NDP: variants seen among roughly 807,000 people sequenced by gnomAD.
NDP encodes the protein norrin cystine knot growth factor NDP, also known as norrin.
NDP carries 2 observed loss-of-function variants against 8.4 expected under a neutral mutation model. The ratio of observed to expected loss-of-function variants is 0.24; its 90% CI spans 0.10 to 0.75. NDP has a LOEUF of 0.75. Ranked by LOEUF, NDP falls within the 30% of genes least tolerant of loss-of-function variation. The pLI is 0.73. For synonymous variants in NDP, 55 were observed against 45.6 expected (o/e 1.21, Z -0.83); for missense variants, 81 against 110.1 (o/e 0.74, Z 1.18).
rs1270812352 is a variant in NDP at position 43,958,539 on chromosome X, G to A, written c.107C>T (p.Pro36Leu). The A allele has an allele frequency of 8.3e-7, 1 of 1,210,297 alleles. No individual in the cohort carries two copies. The highest frequency in any genetic ancestry group is 1.7e-5 in the African/African-American group (1 of 57,389). The change falls in exon 2 of 3, where the codon CCT becomes CTT. Residue 36 changes from proline to leucine, a missense_variant. By Grantham distance (98) the Pro-to-Leu change is moderately conservative (BLOSUM62 -3). Transcript: ENST00000642620. ...ATAGTGGTGCCTCATGCAGCGTCGA[G>A]GGTCCGAGTCCATTATGAATGAGCT... ...TDSSFIMDSDPRRCMRHHYVD... is the reference protein window; with the variant it reads ...TDSSFIMDSDLRRCMRHHYVD...
At chrX:43,968,280 G>A (rs957362160) in intron 1 of NDP, among the ~76,000 whole-genome samples, 1 of 112,204 alleles carries the variant, frequency 8.9e-6, no homozygotes, top group African/African-American at 3.2e-5. Flanking sequence ...CTCTGATGAA[G>A]GGGACAGTGC....
intron 2 of NDP, chrX:43,953,402 G>A (rs770040802): frequency 1.8e-5 from 2 of 111,968 alleles, no homozygotes; most frequent in South Asian, 7.5e-4. Context: ...CTTGTTAAAA[G>A]GCAAGTTCTG....
intron 2 of NDP, chrX:43,954,684 A>G (rs1443369065): frequency 9.0e-6 from 1 of 111,270 alleles, no homozygotes; most frequent in Non-Finnish European, 1.9e-5. Flanking sequence ...GGGTAGCAGT[A>G]GAAGATGGCT....
At chrX:43,954,723 C>T in intron 2 of NDP, among the ~76,000 whole-genome samples, 1 of 111,132 alleles carries the variant, frequency 9.0e-6, no homozygotes, top group East Asian at 2.9e-4. Flanking sequence ...GCTGTTAGGA[C>T]TCAGCCCTTA....
chrX:43,950,183 G>A, intron 2 of NDP, 157 bp from the exon 3 acceptor site: 1 of 490,795 alleles, frequency 2.0e-6, no homozygotes, highest in Non-Finnish European at 3.6e-6. Context: ...TCAACACCCA[G>A]GCCTCATTCA....
chrX:43,965,640 C>G (rs1055997469), intron 1 of NDP, among the ~76,000 whole-genome samples: 2 of 111,191 alleles, frequency 1.8e-5, no homozygotes, highest in African/African-American at 3.3e-5. Flanking sequence ...AGGCTGAGTT[C>G]CACCCTCTTG....
chrX:43,950,217 G>A, intron 2 of NDP, 191 bp from the exon 3 acceptor site: 2 of 457,184 alleles, frequency 4.4e-6, no homozygotes, highest in Non-Finnish European at 7.7e-6. Flanking sequence ...AAAATCCTTG[G>A]AGATAGGGAC....
chrX:43,949,761 C>T lies in NDP; in HGVS notation c.*38G>A. The T allele has an allele frequency of 2.6e-6, 3 of 1,136,821 alleles. No individual in the cohort carries two copies. The highest frequency in any genetic ancestry group is 3.6e-6 in the Non-Finnish European group (3 of 844,649). 93.7% of individuals were successfully genotyped at this position (1,136,821 alleles called of 1,213,427 possible). A position where few individuals can be genotyped will look rare whatever the true frequency, so the allele number is the denominator to read the frequency against. On this transcript the variant is annotated 3_prime_UTR_variant, in exon 3 of 3. Transcript: ENST00000642620. ...TCCCTGGCTGGTCGAACTGCCTCTA[C>T]AGTTGTCCCATCCAGAAGCCACACA...
At position 43,967,320 on chromosome X, in the gene NDP, C is replaced by A. The variant is rs915810162; in HGVS notation, c.-208+5984G>T. Among the ~76,000 whole-genome samples, 3 of 111,597 alleles carry A rather than the reference C, an allele frequency of 2.7e-5. 1 individual carries two copies. In the Admixed American group the frequency reaches 2.9e-4, roughly 11 times the overall value. ...AATGCAATGAGCCCTAAAATATCCT[C>A]TCAAGTTTTAAAGAAAAATTGGACT... On this transcript the variant is annotated intron_variant, in intron 1 of 2. Coordinates refer to ENST00000642620, the MANE Select transcript of NDP (RefSeq NM_000266.4).
At chrX:43,950,319 G>T (rs982224059) in intron 2 of NDP, among the ~76,000 whole-genome samples, 1 of 110,411 alleles carries the variant, frequency 9.1e-6, no homozygotes, top group African/African-American at 3.3e-5. Flanking sequence ...TGTGATGTGC[G>T]AGTAAAAACC....
chrX:43,959,123 G>A (rs887341568), intron 1 of NDP, among the ~76,000 whole-genome samples: 1 of 111,776 alleles, frequency 8.9e-6, no homozygotes, highest in Admixed American at 9.5e-5. Context: ...GCCAAGAATA[G>A]TTTGAACCCA....
chrX:43,955,327 T>A (rs2035786581), intron 2 of NDP, among the ~76,000 whole-genome samples: 1 of 112,167 alleles, frequency 8.9e-6, no homozygotes, highest in African/African-American at 3.2e-5. Context: ...CTGGATGCTT[T>A]ACAAATCACC....
intron 2 of NDP, among the ~76,000 whole-genome samples, chrX:43,955,323 G>A (rs1460197890): frequency 3.6e-5 from 4 of 112,072 alleles, no homozygotes; most frequent in Non-Finnish European, 7.5e-5. Context: ...ACCGCTGGAT[G>A]CTTTACAAAT....
At chrX:43,958,942 G>C (rs990076071) in intron 1 of NDP, 90 bp from the exon 2 acceptor site, 5 of 307,589 alleles carry the variant, frequency 1.6e-5, no homozygotes, top group African/African-American at 1.3e-4. Context: ...ATTTTTCCAT[G>C]TTATTTTGAG....
chrX:43,949,512 A>G lies in NDP; in HGVS notation c.*287T>C, dbSNP rs2035747896. On this transcript the variant is annotated 3_prime_UTR_variant, in exon 3 of 3. Coordinates refer to ENST00000642620, the MANE Select transcript of NDP (RefSeq NM_000266.4). ...GCCCACTTTTTCCCACTAATGCTGAATTGTTGGAAACCCAAACAGCATTGA... is the reference window on the plus strand; with the variant it reads ...GCCCACTTTTTCCCACTAATGCTGAGTTGTTGGAAACCCAAACAGCATTGA... 9 of 356,203 alleles carry G rather than the reference A, an allele frequency of 2.5e-5. No homozygotes were observed. Among genetic ancestry groups the G allele is most frequent in the Admixed American group, 9.0e-5 (2 of 22,335 alleles). The allele number at this position is 356,203 out of a possible 1,213,427, so 29.4% of individuals were successfully genotyped here.
intron 1 of NDP, among the ~76,000 whole-genome samples, chrX:43,965,432 T>G (rs1447907475): frequency 9.1e-6 from 1 of 110,497 alleles, no homozygotes; most frequent in Non-Finnish European, 1.9e-5. Flanking sequence ...AAAACAAAAG[T>G]TAACAGTAAT....
At chrX:43,959,685 T>C (rs1466155706) in intron 1 of NDP, among the ~76,000 whole-genome samples, 1 of 111,884 alleles carries the variant, frequency 8.9e-6, no homozygotes, top group Non-Finnish European at 1.9e-5. Context: ...CAGAGATCTC[T>C]CCAGATTACC....
intron 1 of NDP, 125 bp from the exon 2 acceptor site, chrX:43,958,977 T>C (rs757140351): frequency 1.9e-4 from 50 of 268,384 alleles, no homozygotes; most frequent in African/African-American, 1.4e-3. Flanking sequence ...TTCTAGAGCG[T>C]CATTAGCAAA....
intron 1 of NDP, among the ~76,000 whole-genome samples, chrX:43,963,197 C>G (rs762033776): frequency 8.9e-6 from 1 of 111,970 alleles, no homozygotes; most frequent in Non-Finnish European, 1.9e-5. Flanking sequence ...TATTTTTTAA[C>G]ATGTATTTAT....
Sources: gnomAD v4.1 joint callset for allele counts (sites outside exome capture counted in the v4.1 genomes callset) on GRCh38, gnomAD v4.1.1 for gene constraint, MANE v1.5 for transcripts, NCBI Gene and HGNC (gene_info 2026-07-23, HGNC 2026-07-21) for gene names.